Variants in PDE7B observed in about 807,000 individuals in gnomAD.
PDE7B encodes 3',5'-cyclic-AMP phosphodiesterase 7B.
PDE7B carries 29 observed loss-of-function variants against 56.2 expected under a neutral mutation model. The observed-to-expected ratio is 0.52, with a 90% confidence interval of 0.38 to 0.70. PDE7B has a LOEUF of 0.70. PDE7B is among the 30% of genes least tolerant of loss of function. PDE7B has a pLI of 0.00. For synonymous variants in PDE7B, 197 were observed against 196.9 expected (o/e 1.00, Z 0.00); for missense variants, 490 against 565.0 (o/e 0.87, Z 1.35).
intron 1 of PDE7B, among the ~76,000 whole-genome samples, chr6:135,867,174 G>T (rs1312591451): frequency 6.6e-6 from 1 of 152,132 alleles, no homozygotes; most frequent in Non-Finnish European, 1.5e-5. Context: ...GTGTGTAGAA[G>T]AGAAATAGTA....
At chr6:135,899,129 C>T (rs1473636934) in intron 1 of PDE7B, among the ~76,000 whole-genome samples, 6 of 152,102 alleles carry the variant, frequency 3.9e-5, no homozygotes, top group Admixed American at 3.9e-4. Flanking sequence ...GCTCCTCATT[C>T]ACCTTCTGCC....
At chr6:135,914,158 GTTGCCAC>G (rs1776256787) in intron 1 of PDE7B, among the ~76,000 whole-genome samples, 1 of 152,182 alleles carries the variant, frequency 6.6e-6, no homozygotes, top group East Asian at 1.9e-4. Flanking sequence ...TTGATATGTA[GTTGCCAC>G]TTCAGAAAGA....
chr6:136,038,498 G>A, intron 2 of PDE7B: 1 of 1,287,978 alleles, frequency 7.8e-7, no homozygotes, highest in South Asian at 1.2e-5. Context: ...AGGCATTCTG[G>A]ACAATGAAGA....
intron 3 of PDE7B, among the ~76,000 whole-genome samples, chr6:136,131,870 T>C (rs1260277576): frequency 6.6e-6 from 1 of 152,210 alleles, no homozygotes; most frequent in Non-Finnish European, 1.5e-5. Flanking sequence ...TGTCTTTCAC[T>C]ATTAGCATTA....
At chr6:135,861,518 T>C (rs947526897) in intron 1 of PDE7B, among the ~76,000 whole-genome samples, 2 of 149,316 alleles carry the variant, frequency 1.3e-5, no homozygotes, top group Admixed American at 6.7e-5. Flanking sequence ...TATATACTTA[T>C]ATATATATAA....
chr6:135,887,245 T>C (rs1269931423), intron 1 of PDE7B, among the ~76,000 whole-genome samples: 1 of 152,188 alleles, frequency 6.6e-6, no homozygotes, highest in Non-Finnish European at 1.5e-5. Context: ...TTTGAGTTCC[T>C]GTGGCTTCTG....
At position 136,172,774 on chromosome 6, in the gene PDE7B, C is replaced by T. The variant is rs187588281; in HGVS notation, c.712-1023C>T. ...AGGGTTTTTATGGTTTTAGGTCTAA[C>T]GTTTAAGTCTTTAATCCATCTTGAA... On this transcript the variant is annotated intron_variant, in intron 8 of 12. Transcript: ENST00000308191. Among the ~76,000 whole-genome samples the T allele has an allele frequency of 2.6e-4, 40 of 152,146 alleles. 1 individual carries two copies. Among genetic ancestry groups the T allele is most frequent in the East Asian group, 2.3e-3 (12 of 5,178 alleles).
intron 2 of PDE7B, among the ~76,000 whole-genome samples, chr6:136,024,454 T>C (rs1361720034): frequency 6.6e-6 from 1 of 152,140 alleles, no homozygotes; most frequent in East Asian, 1.9e-4. Flanking sequence ...ACCAAACATA[T>C]ATCCTTTATT....
chr6:135,902,645 A>G (rs1776025312), intron 1 of PDE7B, among the ~76,000 whole-genome samples: 2 of 152,152 alleles, frequency 1.3e-5, no homozygotes, highest in South Asian at 4.1e-4. Flanking sequence ...TTTTGATCCT[A>G]GATTTGTTCT....
At chr6:136,055,443 G>T (rs966306052) in intron 2 of PDE7B, among the ~76,000 whole-genome samples, 1 of 152,132 alleles carries the variant, frequency 6.6e-6, no homozygotes, top group African/African-American at 2.4e-5. Flanking sequence ...CTCAGTGTAG[G>T]AACACATGTA....
At chr6:136,012,780 A>T (rs1169497354) in intron 2 of PDE7B, 1 of 152,234 alleles carries the variant, frequency 6.6e-6, no homozygotes, top group African/African-American at 2.4e-5. Context: ...ATATAAGGAA[A>T]AGAAGAATAT....
At chr6:135,928,469 T>TATATATATATTTA in intron 1 of PDE7B, among the ~76,000 whole-genome samples, 1 of 81,752 alleles carries the variant, frequency 1.2e-5, no homozygotes, top group African/African-American at 4.0e-5. Flanking sequence ...ATATATTTAT[T>TATATATATATTTA]TATATATATA....
At chr6:135,884,936 C>G (rs1219995665) in intron 1 of PDE7B, among the ~76,000 whole-genome samples, 3 of 152,082 alleles carry the variant, frequency 2.0e-5, no homozygotes, top group African/African-American at 7.2e-5. Context: ...ATATTACACC[C>G]ATTAAATTAA....
chr6:135,971,939 A>C (rs917001173), intron 2 of PDE7B, among the ~76,000 whole-genome samples: 2 of 152,316 alleles, frequency 1.3e-5, no homozygotes, highest in South Asian at 4.1e-4. Flanking sequence ...ATAACGCTAT[A>C]GTAAACAGGG....
intron 1 of PDE7B, among the ~76,000 whole-genome samples, chr6:135,912,959 T>C (rs888241402): frequency 1.3e-5 from 2 of 152,090 alleles, no homozygotes; most frequent in Admixed American, 1.3e-4. Context: ...ACTCAGGACT[T>C]TCAGTGCTAG....
At chr6:135,966,577 C>T (rs886530747) in intron 2 of PDE7B, among the ~76,000 whole-genome samples, 3 of 152,148 alleles carry the variant, frequency 2.0e-5, no homozygotes, top group East Asian at 1.9e-4. Context: ...CCTAGGGTTG[C>T]GATGTGGCAG....
chr6:136,179,573 G>C (rs1779031163), intron 10 of PDE7B, among the ~76,000 whole-genome samples: 1 of 152,202 alleles, frequency 6.6e-6, no homozygotes, highest in South Asian at 2.1e-4. Flanking sequence ...ATTTATCACA[G>C]AGTAATCCCG....
intron 3 of PDE7B, among the ~76,000 whole-genome samples, chr6:136,124,288 G>T (rs911584926): frequency 3.9e-5 from 6 of 152,028 alleles, no homozygotes; most frequent in African/African-American, 1.4e-4. Flanking sequence ...TGCCCAAATT[G>T]TGGAGTGCAA....
intron 1 of PDE7B, among the ~76,000 whole-genome samples, chr6:135,885,263 T>C (rs1775682128): frequency 6.6e-6 from 1 of 152,172 alleles, no homozygotes; most frequent in Non-Finnish European, 1.5e-5. Context: ...GTCATCATGA[T>C]GCCTTGAAAA....
Sources: gnomAD v4.1 joint callset for allele counts (sites outside exome capture counted in the v4.1 genomes callset) on GRCh38, gnomAD v4.1.1 for gene constraint, MANE v1.5 for transcripts, NCBI Gene and HGNC (gene_info 2026-07-23, HGNC 2026-07-21) for gene names.